The following WWOX variants were observed in gnomAD, a reference collection of about 807,000 sequenced individuals.
The protein encoded by WWOX is WW domain containing oxidoreductase.
Under a neutral mutation model 46.2 loss-of-function variants are expected in WWOX, and 69 were observed. The ratio of observed to expected loss-of-function variants is 1.49; its 90% CI spans 1.23 to 1.82. The LOEUF is 1.82. Among genes scored for constraint, WWOX ranks in the 40% most tolerant of loss-of-function variants. The pLI is 0.00. For missense variants in WWOX, 919 were observed against 542.6 expected (o/e 1.69, Z -6.89); for synonymous variants, 359 against 202.6 (o/e 1.77, Z -6.56).
intron 8 of WWOX, among the ~76,000 whole-genome samples, chr16:78,976,827 C>G (rs955990617): frequency 6.6e-6 from 1 of 152,160 alleles, no homozygotes; most frequent in Admixed American, 6.5e-5. Context: ...TCTTTAATGC[C>G]TGGTTCAGTT....
rs2080968901 is a variant in WWOX, at chr16:78,339,612, T to A, written c.517-47248T>A. On this transcript the variant is annotated intron_variant, in intron 5 of 8. Coordinates refer to ENST00000566780, the MANE Select transcript of WWOX (RefSeq NM_016373.4). ...GTAGTAGCTTTCTGAAAAAGGATGATAGAATATGTGTGTGTGTCTGTGTGT... is the reference window on the plus strand; with the variant it reads ...GTAGTAGCTTTCTGAAAAAGGATGAAAGAATATGTGTGTGTGTCTGTGTGT... Among the ~76,000 whole-genome samples, 2 of 120,014 alleles carry A rather than the reference T, an allele frequency of 1.7e-5. 1 individual carries two copies. Among genetic ancestry groups the A allele is most frequent in the Non-Finnish European group, 4.0e-5 (2 of 50,310 alleles). 78.7% of individuals were successfully genotyped at this position (120,014 alleles called of 152,430 possible).
chr16:78,341,601 G>C lies in WWOX; in HGVS notation c.517-45259G>C, dbSNP rs903107460. 2.5e-5 allele frequency among the ~76,000 whole-genome samples: 3 copies of C among 119,492 alleles called. 1 individual carries two copies. The highest frequency in any genetic ancestry group is 8.5e-5 in the African/African-American group (3 of 35,124). The allele number at this position is 119,492 out of a possible 152,430, so 78.4% of individuals were successfully genotyped here. A position where few individuals can be genotyped will look rare whatever the true frequency, so the allele number is the denominator to read the frequency against. On this transcript the variant is annotated intron_variant, in intron 5 of 8. Transcript: ENST00000566780. ...AATCACTATTGTCACTGAGGGAGTG[G>C]ACAGGAAGTGATGCTGAGATAAGTC...
At chr16:79,068,090 AG>A (rs963043937) in intron 8 of WWOX, among the ~76,000 whole-genome samples, 5 of 152,108 alleles carry the variant, frequency 3.3e-5, no homozygotes, top group African/African-American at 4.8e-5. Flanking sequence ...AGGGGATGGG[AG>A]GGGGGCTCCG....
In WWOX at chr16:78,416,354, AT is replaced by A. The variant is rs1340205581; in HGVS notation, c.606-8514del. On this transcript the variant is annotated intron_variant, in intron 6 of 8. Transcript: ENST00000566780. Reference sequence around the variant, plus strand: ...AATTCTTTTCCTTTTGTACAAGCCAATTAAGTGTCTTTACAATTAAAACAAA... The same window carrying A: ...AATTCTTTTCCTTTTGTACAAGCCAATAAGTGTCTTTACAATTAAAACAAA... Among the ~76,000 whole-genome samples the A allele has an allele frequency of 2.0e-5, 3 of 152,238 alleles. No homozygotes were observed. In the East Asian group the frequency reaches 5.8e-4, roughly 29 times the overall value.
intron 8 of WWOX, among the ~76,000 whole-genome samples, chr16:79,034,179 A>C (rs1284780350): frequency 2.0e-5 from 3 of 152,184 alleles, no homozygotes; most frequent in Non-Finnish European, 4.4e-5. Context: ...AACATTTCCC[A>C]CATGCTACAC....
intron 8 of WWOX, among the ~76,000 whole-genome samples, chr16:78,579,356 C>T (rs1597298308): frequency 2.0e-5 from 3 of 152,098 alleles, no homozygotes; most frequent in East Asian, 3.9e-4. Flanking sequence ...AGGGCAGGCT[C>T]CAAAGGCGAA....
chr16:78,351,242 T>A (rs1038766360), intron 5 of WWOX, among the ~76,000 whole-genome samples: 1 of 152,220 alleles, frequency 6.6e-6, no homozygotes, highest in African/African-American at 2.4e-5. Flanking sequence ...GCTCCCCGAT[T>A]ACAATATAGA....
At position 78,295,594 on chromosome 16, in the gene WWOX, T is replaced by G. The variant is rs1193505274; in HGVS notation, c.517-91266T>G. ...GACATGATGGCAAGTGCCTGTAATC[T>G]CAGCTACTCAGGAGGCTGAGATGGG... On this transcript the variant is annotated intron_variant, in intron 5 of 8. Transcript: ENST00000566780. Among the ~76,000 whole-genome samples, 4 of 152,082 alleles carry G rather than the reference T, an allele frequency of 2.6e-5. No individual in the cohort carries two copies. The East Asian group carries it at 7.7e-4, about 29-fold the overall frequency.
chr16:78,748,120 C>T (rs943696940), intron 8 of WWOX, among the ~76,000 whole-genome samples: 2 of 152,156 alleles, frequency 1.3e-5, no homozygotes, highest in Non-Finnish European at 2.9e-5. Flanking sequence ...GGACCCTCCA[C>T]TCCTCTATCT....
At chr16:78,745,420 C>A (rs1348715388) in intron 8 of WWOX, among the ~76,000 whole-genome samples, 1 of 151,962 alleles carries the variant, frequency 6.6e-6, no homozygotes, top group East Asian at 1.9e-4. Context: ...CTGTGTCATG[C>A]CTGTTATTCT....
chr16:78,396,153 A>G (rs2082281683), intron 6 of WWOX, among the ~76,000 whole-genome samples: 1 of 152,214 alleles, frequency 6.6e-6, no homozygotes, highest in Non-Finnish European at 1.5e-5. Context: ...GCCTTCTCTC[A>G]TATCTCCTGT....
At chr16:78,375,528 C>G (rs971469181) in intron 5 of WWOX, among the ~76,000 whole-genome samples, 2 of 152,194 alleles carry the variant, frequency 1.3e-5, no homozygotes, top group Admixed American at 6.5e-5. Context: ...AGATATGAAA[C>G]TGTACTTTTT....
At chr16:78,882,828 A>T (rs1338042258) in intron 8 of WWOX, among the ~76,000 whole-genome samples, 2 of 76,056 alleles carry the variant, frequency 2.6e-5, no homozygotes, top group African/African-American at 3.8e-5. Context: ...GCCACCATTT[A>T]AAAAAAAAAA....
At chr16:78,600,205 CG>C (rs1490298658) in intron 8 of WWOX, among the ~76,000 whole-genome samples, 20 of 151,952 alleles carry the variant, frequency 1.3e-4, no homozygotes, top group Admixed American at 1.2e-3. Context: ...TACGTTCCAC[CG>C]GGGCCCTCCC....
intron 5 of WWOX, among the ~76,000 whole-genome samples, chr16:78,217,157 C>T (rs977563688): frequency 2.6e-5 from 4 of 152,210 alleles, no homozygotes; most frequent in Non-Finnish European, 5.9e-5. Flanking sequence ...GGGAAATGGG[C>T]ATCATTTTGT....
At chr16:78,993,443 T>C (rs1267952343) in intron 8 of WWOX, among the ~76,000 whole-genome samples, 1 of 152,186 alleles carries the variant, frequency 6.6e-6, no homozygotes, top group Admixed American at 6.5e-5. Flanking sequence ...ACAGTGCGGC[T>C]GGATAAGAGA....
In WWOX at chr16:78,621,419, G is replaced by T. The variant is rs557859385; in HGVS notation, c.1056+188667G>T. Among the ~76,000 whole-genome samples, 460 of 151,608 alleles carry T rather than the reference G, an allele frequency of 3.0e-3. 3 individuals carry two copies. Among genetic ancestry groups the T allele is most frequent in the African/African-American group, 0.011 (438 of 41,322 alleles). On this transcript the variant is annotated intron_variant, in intron 8 of 8. Coordinates refer to ENST00000566780, the MANE Select transcript of WWOX (RefSeq NM_016373.4). ...CCCTTTCACCTCTCCCCTGGTAACT[G>T]ATTTATTTTTCCCTCTTGGAGTTGC...
intron 8 of WWOX, among the ~76,000 whole-genome samples, chr16:79,031,541 C>A (rs1227057666): frequency 6.6e-6 from 1 of 151,822 alleles, no homozygotes; most frequent in Non-Finnish European, 1.5e-5. Context: ...AAAGCTACAC[C>A]CCCCTGTGGA....
intron 8 of WWOX, chr16:79,204,992 A>G (rs1415401229): frequency 6.6e-6 from 1 of 152,172 alleles, no homozygotes. Context: ...GTCAGGGAGA[A>G]TGGCATGGCC....
Sources: gnomAD v4.1 joint callset for allele counts (sites outside exome capture counted in the v4.1 genomes callset) on GRCh38, gnomAD v4.1.1 for gene constraint, MANE v1.5 for transcripts, NCBI Gene and HGNC (gene_info 2026-07-23, HGNC 2026-07-21) for gene names.